The following TAF1 variants were observed in gnomAD, a reference collection of about 807,000 sequenced individuals.
The protein encoded by TAF1 is transcription initiation factor TFIID subunit 1.
Under a neutral mutation model 138.5 loss-of-function variants are expected in TAF1, and 2 were observed. The ratio of observed to expected loss-of-function variants is 0.01; its 90% CI spans 0.01 to 0.05. The LOEUF is 0.05. TAF1 is among the 10% of genes least tolerant of loss of function. TAF1 has a pLI of 1.00. For missense variants in TAF1, 709 were observed against 1,478.0 expected (o/e 0.48, Z 8.53); for synonymous variants, 437 against 503.2 (o/e 0.87, Z 1.76).
intron 32 of TAF1, among the ~76,000 whole-genome samples, chrX:71,428,452 C>A (rs777044937): frequency 1.8e-4 from 20 of 111,815 alleles, no homozygotes; most frequent in African/African-American, 6.2e-4. Flanking sequence ...GGCCCCACCA[C>A]TTAATAGCAA....
intron 25 of TAF1, among the ~76,000 whole-genome samples, chrX:71,402,248 C>T (rs2035215461): frequency 8.9e-6 from 1 of 111,819 alleles, no homozygotes; most frequent in African/African-American, 3.3e-5. Context: ...GCTGGGATTA[C>T]AGGCGCACGC....
rs193168966 is a variant in TAF1, at chrX:71,383,947, C to T, written c.1948-15C>T. 43 of 1,200,127 alleles carry T rather than the reference C, an allele frequency of 3.6e-5. No individual in the cohort carries two copies. In the African/African-American group the frequency reaches 6.2e-4, roughly 17 times the overall value. On this transcript the variant is annotated splice_polypyrimidine_tract_variant and intron_variant, in intron 12 of 37. Transcript: ENST00000423759. ...CCTGTCAGGAGCTAGATGGTATTTT[C>T]TTTGTTCTGGACAGATGAGAGAACA... is the stretch of plus-strand genomic sequence containing the variant.
At chrX:71,452,944 G>C (rs1240745582) in intron 32 of TAF1, among the ~76,000 whole-genome samples, 1 of 111,967 alleles carries the variant, frequency 8.9e-6, no homozygotes, top group Non-Finnish European at 1.9e-5. Context: ...GCCTGCAATC[G>C]CAGGCACTCG....
chrX:71,449,691 G>A (rs1374334988), intron 32 of TAF1, among the ~76,000 whole-genome samples: 4 of 112,341 alleles, frequency 3.6e-5, no homozygotes, highest in African/African-American at 1.3e-4. Context: ...AGCCTATACT[G>A]TAAGGAACTA....
chrX:71,497,189 G>A (rs1216032741), intron 13 of TAF1, among the ~76,000 whole-genome samples: 3 of 111,171 alleles, frequency 2.7e-5, no homozygotes, highest in African/African-American at 9.8e-5. Flanking sequence ...ACTTCCATCG[G>A]TATATAGGTT....
At chrX:71,372,639 C>CAA (rs113198786) in intron 3 of TAF1, among the ~76,000 whole-genome samples, 277 of 93,434 alleles carry the variant, frequency 3.0e-3, no homozygotes, top group African/African-American at 0.01. Context: ...ACCCCTGTCT[C>CAA]AAAAAAAAAA....
chrX:71,524,681 G>A (rs183094347), intron 13 of TAF1, among the ~76,000 whole-genome samples: 31 of 108,898 alleles, frequency 2.8e-4, no homozygotes, highest in Admixed American at 9.8e-4. Flanking sequence ...GGTGGCTCAC[G>A]CCTGTAATCC....
intron 13 of TAF1, among the ~76,000 whole-genome samples, chrX:71,503,277 A>ATATATATATATATATATGTGTATATATAT (rs1556030877): frequency 1.1e-5 from 1 of 90,169 alleles, no homozygotes; most frequent in African/African-American, 4.5e-5. Context: ...TCAAAAAAAA[A>ATATATATATATATATATGTGTATATATAT]ATATATATAT....
chrX:71,440,501 AT>A (rs1165587498), intron 32 of TAF1, among the ~76,000 whole-genome samples: 66 of 102,193 alleles, frequency 6.5e-4, no homozygotes, highest in South Asian at 3.8e-3. Context: ...GCACTATTTC[AT>A]TTTTTTTTTT....
At chrX:71,517,743 AGAAAATAAATGTGTGTGTATGTGTAG>A (rs2039850178) in intron 13 of TAF1, among the ~76,000 whole-genome samples, 1 of 112,244 alleles carries the variant, frequency 8.9e-6, no homozygotes, top group Non-Finnish European at 1.9e-5. Flanking sequence ...GGAAAGTGTA[AGAAAATAAATGTGTGTGTATGTGTAG>A]GGGGGTTTAT....
intron 24 of TAF1, among the ~76,000 whole-genome samples, chrX:71,399,016 T>G (rs921089224): frequency 9.0e-6 from 1 of 111,004 alleles, no homozygotes; most frequent in Non-Finnish European, 1.9e-5. Flanking sequence ...CTCGGCTCAC[T>G]GCAGCCTCTG....
chrX:71,481,121 A>G (rs1048706058), intron 13 of TAF1, among the ~76,000 whole-genome samples: 3 of 112,291 alleles, frequency 2.7e-5, no homozygotes, highest in African/African-American at 9.7e-5. Flanking sequence ...TCTACTAAAA[A>G]TACAAAAAGT....
At chrX:71,451,712 A>G (rs1378926291) in intron 32 of TAF1, among the ~76,000 whole-genome samples, 1 of 110,124 alleles carries the variant, frequency 9.1e-6, no homozygotes, top group South Asian at 3.9e-4. Flanking sequence ...CGTCTGTTTA[A>G]CAAAGCACAT....
In TAF1 at chrX:71,401,665, C is replaced by A. The variant is rs769473565; in HGVS notation, c.3924C>A (p.Val1308=). 2 of 1,209,779 alleles carry A rather than the reference C, an allele frequency of 1.7e-6. No homozygotes were observed. The highest frequency in any genetic ancestry group is 2.2e-6 in the Non-Finnish European group (2 of 895,271). The change falls in exon 25 of 38, where the codon GTC becomes GTA. Residue 1308 remains valine, a synonymous_variant. Transcript: ENST00000423759. ...AGGAGGAGGAGTTGGAAAAGACAGTCATTCATAATGATAATGAAGAACTTA... is the reference window on the plus strand; with the variant it reads ...AGGAGGAGGAGTTGGAAAAGACAGTAATTCATAATGATAATGAAGAACTTA... ...EEQEEELEKT[V]IHNDNEELIK... is the part of the protein sequence containing the mutation.
chrX:71,509,104 G>A (rs1378690558), intron 13 of TAF1, among the ~76,000 whole-genome samples: 3 of 110,749 alleles, frequency 2.7e-5, no homozygotes, highest in East Asian at 2.8e-4. Context: ...CACTGTGCCC[G>A]GTCAAGTGGT....
chrX:71,495,845 A>T (rs2039386350), intron 13 of TAF1, among the ~76,000 whole-genome samples: 1 of 112,067 alleles, frequency 8.9e-6, no homozygotes, highest in Non-Finnish European at 1.9e-5. Context: ...GGGCACTGAT[A>T]GGGTCTGATT....
chrX:71,383,813 T>C (rs2034043316), intron 12 of TAF1, 149 bp from the exon 13 acceptor site: 1 of 662,281 alleles, frequency 1.5e-6, no homozygotes, highest in African/African-American at 2.2e-5. Context: ...GTACTATTCT[T>C]TGAACTTTAC....
Position 71,454,249 on chromosome X carries a change from A to G in TAF1, c.4821+12A>G. On this transcript the variant is annotated intron_variant, in intron 33 of 37. Transcript: ENST00000423759. ...AGACATTGACTGAGGTAGGTGGTAA[A>G]GATGGAGGTCCTAAGCCTGGGCAAC... 2.5e-6 allele frequency: 3 copies of G among 1,203,637 alleles called. No individual in the cohort carries two copies. The highest frequency in any genetic ancestry group is 3.4e-6 in the Non-Finnish European group (3 of 888,808).
chrX:71,390,016 A>G (rs1191059766), intron 18 of TAF1, among the ~76,000 whole-genome samples: 2 of 110,533 alleles, frequency 1.8e-5, no homozygotes, highest in Non-Finnish European at 3.8e-5. Context: ...CTGAAATTAC[A>G]GTTGCACGCC....
Sources: allele counts gnomAD v4.1 joint callset (sites outside exome capture counted in the v4.1 genomes callset), GRCh38; gene constraint gnomAD v4.1.1; transcripts MANE v1.5; gene names NCBI Gene and HGNC (gene_info 2026-07-23, HGNC 2026-07-21).